LIPA: variants seen among roughly 807,000 people sequenced by gnomAD.
The protein encoded by LIPA is lipase A, lysosomal acid type, also known as lysosomal acid lipase/cholesteryl ester hydrolase.
In LIPA, 26 loss-of-function variants were observed where a neutral mutation model predicts 40.6. The ratio of observed to expected loss-of-function variants is 0.64; its 90% confidence interval spans 0.47 to 0.89. The LOEUF (loss-of-function observed/expected upper bound fraction) is 0.89. Among genes scored for constraint, LIPA ranks in the 40% least tolerant of loss-of-function variants. The pLI is 0.00. For missense variants in LIPA, 455 were observed against 479.6 expected (o/e 0.95, Z 0.48); for synonymous variants, 188 against 168.4 (o/e 1.12, Z -0.90).
At chr10:89,401,372 C>T (rs1164379396) in intron 2 of LIPA, among the ~76,000 whole-genome samples, 2 of 152,038 alleles carry the variant, frequency 1.3e-5, no homozygotes, top group South Asian at 2.1e-4. Context: ...CCACCTGCCT[C>T]GGCCTCCCAA....
chr10:89,376,586 A>T (rs2133600039), intron 2 of LIPA, among the ~76,000 whole-genome samples: 1 of 152,340 alleles, frequency 6.6e-6, no homozygotes, highest in African/African-American at 2.4e-5. Context: ...ACCTGTGACC[A>T]TGATGGGTCA....
chr10:89,354,241 G>A (rs771909337), intron 2 of LIPA, among the ~76,000 whole-genome samples: 22 of 152,238 alleles, frequency 1.4e-4, no homozygotes, highest in South Asian at 4.1e-4. Context: ...TCTCTTATCC[G>A]CCTATCACCT....
chr10:89,352,793 A>AAG (rs2133587503), intron 2 of LIPA, among the ~76,000 whole-genome samples: 1 of 150,376 alleles, frequency 6.6e-6, no homozygotes, highest in Non-Finnish European at 1.5e-5. Flanking sequence ...AAAGATAAAA[A>AAG]AAAAAAAAAA....
chr10:89,376,187 T>TAAAAAAAAAA (rs66954730), intron 2 of LIPA, among the ~76,000 whole-genome samples: 5 of 102,520 alleles, frequency 4.9e-5, no homozygotes, highest in Admixed American at 1.2e-4. Context: ...GACTCTATCT[T>TAAAAAAAAAA]AAAAAAAAAA....
In LIPA at chr10:89,214,670, A is replaced by G; in HGVS notation, c.*158T>C. On this transcript the variant is annotated 3_prime_UTR_variant, in exon 10 of 10. Coordinates refer to ENST00000336233, the MANE Select transcript of LIPA (RefSeq NM_000235.4). ...AAATAGCTAGTATGTTTCTAATTGAAACTAGAGTGAACTGGGCATCTTCAA... is the reference window on the plus strand; with the variant it reads ...AAATAGCTAGTATGTTTCTAATTGAGACTAGAGTGAACTGGGCATCTTCAA... 1.6e-6 allele frequency: 1 copy of G among 612,530 alleles called. No individual in the cohort carries two copies. Among genetic ancestry groups the G allele is most frequent in the South Asian group, 2.0e-5 (1 of 50,576 alleles). 37.9% of individuals were successfully genotyped at this position (612,530 alleles called of 1,614,324 possible). A position where few individuals can be genotyped will look rare whatever the true frequency, so the allele number is the denominator to read the frequency against.
chr10:89,343,617 G>A (rs1009965779), upstream of LIPA, among the ~76,000 whole-genome samples: 3 of 152,128 alleles, frequency 2.0e-5, no homozygotes, highest in African/African-American at 4.8e-5. Context: ...TCAGCACACC[G>A]AGGCGCTATA....
At chr10:89,320,150 A>G (rs957523086) in intron 1 of LIPA, among the ~76,000 whole-genome samples, 2 of 152,198 alleles carry the variant, frequency 1.3e-5, no homozygotes, top group African/African-American at 4.8e-5. Flanking sequence ...CCCTTTGAAA[A>G]CTGGCACAAG....
rs527808787 is a variant in LIPA, at chr10:89,290,944, G to A, written c.-1-43295C>T. ...TGGAAAATATTTCAAAGTTAAGGGT[G>A]TATGTTACAGTTGGTTTCATCTTAT... is the stretch of plus-strand genomic sequence containing the variant. On this transcript the variant is annotated intron_variant, in intron 1 of 5. Transcript: ENST00000282673. 1.1e-4 allele frequency among the ~76,000 whole-genome samples: 17 copies of A among 152,298 alleles called. No individual in the cohort carries two copies. The East Asian group carries it at 3.3e-3, about 29-fold the overall frequency.
intron 2 of LIPA, among the ~76,000 whole-genome samples, chr10:89,381,414 C>A (rs994045954): frequency 3.3e-5 from 5 of 152,216 alleles, no homozygotes; most frequent in Non-Finnish European, 4.4e-5. Flanking sequence ...CCACACACAC[C>A]CCCACACACA....
Position 89,222,991 on chromosome 10 carries a change from A to C in LIPA, c.823-409T>G, listed in dbSNP as rs530229183. Among the ~76,000 whole-genome samples, 5 of 152,290 alleles carry C rather than the reference A, an allele frequency of 3.3e-5. No homozygotes were observed. In the South Asian group the frequency reaches 1.0e-3, roughly 32 times the overall value. Reference sequence around the variant, plus strand: ...CTTTTTTTCAAAATGCCACATGACAAACTAACAAACATATTTAGAAACACG... The same window carrying C: ...CTTTTTTTCAAAATGCCACATGACACACTAACAAACATATTTAGAAACACG... On this transcript the variant is annotated intron_variant, in intron 7 of 9. Coordinates refer to ENST00000336233, the MANE Select transcript of LIPA (RefSeq NM_000235.4).
Position 89,320,128 on chromosome 10 carries a change from A to C in LIPA, c.-2+22483T>G, listed in dbSNP as rs1397672097. ...CCAATATCATACTGAATGGGCAAAAACTGGAAGTATTCCCTTTGAAAACTG... is the reference window on the plus strand; with the variant it reads ...CCAATATCATACTGAATGGGCAAAACCTGGAAGTATTCCCTTTGAAAACTG... On this transcript the variant is annotated intron_variant, in intron 1 of 5. Transcript: ENST00000282673. Among the ~76,000 whole-genome samples, 8 of 152,258 alleles carry C rather than the reference A, an allele frequency of 5.3e-5. No homozygotes were observed. In the East Asian group the frequency reaches 1.5e-3, roughly 29 times the overall value.
chr10:89,293,172 C>G (rs1452980372), intron 1 of LIPA, among the ~76,000 whole-genome samples: 1 of 152,142 alleles, frequency 6.6e-6, no homozygotes, highest in Non-Finnish European at 1.5e-5. Context: ...TTATAAGCAT[C>G]TGACATTTCC....
rs1455206130 is a variant in LIPA at position 89,365,584 on chromosome 10, G to C, written c.61+47207C>G. On this transcript the variant is annotated intron_variant, in intron 2 of 8. Transcript: ENST00000371837. ...TCTTCTAGGGTTTTTATGGTTTTAG[G>C]TCTAACATTTAAATCTTTAATCCAT... Among the ~76,000 whole-genome samples, 10 of 152,174 alleles carry C rather than the reference G, an allele frequency of 6.6e-5. 1 individual carries two copies. In the South Asian group the frequency reaches 2.1e-3, roughly 32 times the overall value.
chr10:89,388,200 GGTTC>G (rs1844222913), intron 2 of LIPA, among the ~76,000 whole-genome samples: 3 of 152,100 alleles, frequency 2.0e-5, no homozygotes, highest in Admixed American at 1.3e-4. Flanking sequence ...CCGCCTCCTG[GGTTC>G]AAGTGATTCT....
chr10:89,400,589 T>C (rs1844407924), intron 2 of LIPA, among the ~76,000 whole-genome samples: 2 of 152,208 alleles, frequency 1.3e-5, no homozygotes, highest in South Asian at 2.1e-4. Context: ...AAATTGTTAC[T>C]ATATAGAAAT....
At position 89,227,617 on chromosome 10, in the gene LIPA, C is replaced by T. The variant is rs898389726; in HGVS notation, c.428+583G>A. On this transcript the variant is annotated intron_variant, in intron 4 of 9. Coordinates refer to ENST00000336233, the MANE Select transcript of LIPA (RefSeq NM_000235.4). ...AAGTGTGCGTATGGGTATATGCATG[C>T]GCATGTTGCCACTGGCAGGAGAAGA... Among the ~76,000 whole-genome samples the T allele has an allele frequency of 2.6e-4, 40 of 152,292 alleles. No homozygotes were observed. The East Asian group carries it at 2.9e-3, about 11-fold the overall frequency.
In LIPA at chr10:89,366,076, C is replaced by A. The variant is rs568530941; in HGVS notation, c.61+46715G>T. 2.0e-4 allele frequency among the ~76,000 whole-genome samples: 30 copies of A among 152,256 alleles called. No individual in the cohort carries two copies. In the South Asian group the frequency reaches 2.3e-3, roughly 12 times the overall value. On this transcript the variant is annotated intron_variant, in intron 2 of 8. Transcript: ENST00000371837. ...ATTTTCACGATATTGATTCTTCCTA[C>A]CCATGAGCATGGAATGTTTTTCCAT...
chr10:89,407,843 G>A (rs1841436447), intron 2 of LIPA, among the ~76,000 whole-genome samples: 1 of 152,034 alleles, frequency 6.6e-6, no homozygotes. Context: ...GAATGTGTAG[G>A]TAAGGGCCAC....
At chr10:89,224,244 C>G (rs564597417) in intron 6 of LIPA, among the ~76,000 whole-genome samples, 2 of 152,332 alleles carry the variant, frequency 1.3e-5, no homozygotes, top group African/African-American at 2.4e-5. Flanking sequence ...TAATTCAATG[C>G]TACTGGCCAG....
Sources: allele counts gnomAD v4.1 joint callset (sites outside exome capture counted in the v4.1 genomes callset), GRCh38; gene constraint gnomAD v4.1.1; transcripts MANE v1.5; gene names NCBI Gene and HGNC (gene_info 2026-07-23, HGNC 2026-07-21).